RAG1: variants seen among roughly 807,000 people sequenced by gnomAD.
The protein encoded by RAG1 is V(D)J recombination-activating protein 1.
A neutral mutation model predicts 62.7 loss-of-function variants in RAG1; 35 were observed. The observed-to-expected ratio is 0.56, with a 90% CI of 0.43 to 0.74. The LOEUF is 0.74. Ranked by LOEUF, RAG1 falls within the 30% of genes least tolerant of loss-of-function variation. The pLI is 0.00. For synonymous variants in RAG1, 461 were observed against 470.3 expected (o/e 0.98, Z 0.26); for missense variants, 1,169 against 1,278.6 (o/e 0.91, Z 1.31).
At chr11:36,537,607 C>T (rs1158583332), downstream of RAG1, among the ~76,000 whole-genome samples, 1 of 151,978 alleles carries the variant, frequency 6.6e-6, no homozygotes, top group African/African-American at 2.4e-5. Flanking sequence ...TTTTCAAGAT[C>T]CTTTGTTATT....
Position 36,521,578 on chromosome 11 carries a change from A to G in RAG1, n.428+1349A>G, listed in dbSNP as rs886627221. ...TTTATCAGCAGTGTGAAAAAGGACT[A>G]TTACAGTAAATTGGTACCAGCAGAG... On this transcript the variant is annotated intron_variant and non_coding_transcript_variant, in intron 2 of 2. Coordinates refer to the RAG1 transcript ENST00000529126. 5.3e-5 allele frequency among the ~76,000 whole-genome samples: 8 copies of G among 152,156 alleles called. No homozygotes were observed. In the East Asian group the frequency reaches 1.2e-3, roughly 22 times the overall value.
chr11:36,560,565 T>A (rs907050349), intron 3 of RAG1, among the ~76,000 whole-genome samples: 1 of 152,292 alleles, frequency 6.6e-6, no homozygotes, highest in Admixed American at 6.5e-5. Flanking sequence ...CTCAGCATGA[T>A]GCAGTTCCAT....
chr11:36,541,800 T>G (rs1590678160), intron 3 of RAG1, among the ~76,000 whole-genome samples: 1 of 152,168 alleles, frequency 6.6e-6, no homozygotes. Context: ...ACTTAGGTTA[T>G]AAGTCAAATA....
chr11:36,565,559 C>T (rs1200982781), upstream of RAG1, among the ~76,000 whole-genome samples: 5 of 152,162 alleles, frequency 3.3e-5, no homozygotes, highest in Admixed American at 6.5e-5. Context: ...TCACCCTTTT[C>T]GTTCTTTGTC....
intron 2 of RAG1, among the ~76,000 whole-genome samples, chr11:36,529,854 T>A (rs1223670961): frequency 6.6e-6 from 1 of 151,634 alleles, no homozygotes; most frequent in African/African-American, 2.4e-5. Flanking sequence ...TGGGAATGGT[T>A]TTTTTTTTCT....
downstream of RAG1, among the ~76,000 whole-genome samples, chr11:36,537,733 C>T (rs1376068845): frequency 2.0e-5 from 3 of 152,144 alleles, no homozygotes; most frequent in Admixed American, 2.0e-4. Context: ...CTCTGGAAAA[C>T]TGACTTTAAT....
downstream of RAG1, among the ~76,000 whole-genome samples, chr11:36,538,192 A>C (rs1860359982): frequency 6.6e-6 from 1 of 152,214 alleles, no homozygotes; most frequent in South Asian, 2.1e-4. Flanking sequence ...CTTCATAGAT[A>C]TCACATTGAT....
chr11:36,526,059 T>C (rs1055540434), intron 2 of RAG1, among the ~76,000 whole-genome samples: 3 of 152,224 alleles, frequency 2.0e-5, no homozygotes, highest in Admixed American at 2.0e-4. Flanking sequence ...AAAATTCTTC[T>C]CATATATTGT....
At chr11:36,540,396 C>A (rs1477238526), downstream of RAG1, among the ~76,000 whole-genome samples, 1 of 152,052 alleles carries the variant, frequency 6.6e-6, no homozygotes, top group Non-Finnish European at 1.5e-5. Context: ...CATTTCTTTT[C>A]TTTATTTTAT....
In RAG1 at chr11:36,576,402, A is replaced by G. The variant is rs766420242; in HGVS notation, c.3098A>G (p.Asp1033Gly). The G allele has an allele frequency of 1.9e-6, 3 of 1,614,000 alleles. No homozygotes were observed. Among genetic ancestry groups the G allele is most frequent in the African/African-American group, 2.7e-5 (2 of 74,906 alleles). ...TTAGGGGACCCATTAGGCATAGAGG[A>G]CTCTCTGGAAAGCCAAGATTCAATG... ...ASLGDPLGIE[D>G]SLESQDSMEF is the part of the protein sequence containing the mutation. Residue 1033 changes from aspartate to glycine, a missense_variant, in exon 2 of 2, where the codon GAC (aspartate) becomes GGC (glycine). Transcript: ENST00000299440.
intron 2 of RAG1, among the ~76,000 whole-genome samples, chr11:36,534,787 TA>T (rs1412411377): frequency 6.6e-6 from 1 of 152,216 alleles, no homozygotes; most frequent in Non-Finnish European, 1.5e-5. Context: ...TTTAAGCCTT[TA>T]AAAATTTTCA....
intron 2 of RAG1, among the ~76,000 whole-genome samples, chr11:36,530,467 T>C (rs1179136670): frequency 6.6e-6 from 1 of 151,932 alleles, no homozygotes; most frequent in Non-Finnish European, 1.5e-5. Context: ...CATTTAGAGC[T>C]ACAGATTTCC....
intron 3 of RAG1, among the ~76,000 whole-genome samples, chr11:36,562,681 G>A (rs144976259): frequency 6.6e-6 from 1 of 152,296 alleles, no homozygotes; most frequent in East Asian, 1.9e-4. Flanking sequence ...AAATGCCCAA[G>A]ATAAGGGACC....
intron 2 of RAG1, among the ~76,000 whole-genome samples, chr11:36,528,430 G>A (rs190055756): frequency 1.3e-5 from 2 of 152,102 alleles, no homozygotes; most frequent in African/African-American, 2.4e-5. Context: ...AGATAAAGAT[G>A]TTCTTTGAAA....
intron 1 of RAG1, among the ~76,000 whole-genome samples, chr11:36,512,174 G>A (rs1241104039): frequency 3.3e-5 from 5 of 152,194 alleles, no homozygotes; most frequent in African/African-American, 7.2e-5. Flanking sequence ...GCAGGGCCAC[G>A]TGACTAGTTC....
At chr11:36,547,979 A>G (rs1351759870) in intron 3 of RAG1, among the ~76,000 whole-genome samples, 1 of 152,202 alleles carries the variant, frequency 6.6e-6, no homozygotes, top group Non-Finnish European at 1.5e-5. Flanking sequence ...ACATACGCAA[A>G]TCAATAAACG....
chr11:36,558,338 G>A (rs1003040886), intron 3 of RAG1, among the ~76,000 whole-genome samples: 1 of 152,122 alleles, frequency 6.6e-6, no homozygotes, highest in Admixed American at 6.5e-5. Flanking sequence ...TTTCTATTTT[G>A]ATAATCTGTT....
intron 2 of RAG1, among the ~76,000 whole-genome samples, chr11:36,530,027 T>C (rs1481236172): frequency 2.0e-5 from 3 of 152,058 alleles, no homozygotes; most frequent in Non-Finnish European, 4.4e-5. Context: ...TTAAATTATT[T>C]CATTTTGGGT....
chr11:36,551,776 G>C (rs1348118470), intron 3 of RAG1, among the ~76,000 whole-genome samples: 5 of 132,828 alleles, frequency 3.8e-5, no homozygotes, highest in African/African-American at 1.1e-4. Flanking sequence ...CCCCACCACA[G>C]TCCCCAGAGT....
Sources: gnomAD v4.1 joint callset for allele counts (sites outside exome capture counted in the v4.1 genomes callset) on GRCh38, gnomAD v4.1.1 for gene constraint, MANE v1.5 for transcripts, NCBI Gene and HGNC (gene_info 2026-07-23, HGNC 2026-07-21) for gene names.